PTPRZ1: variants seen among roughly 807,000 people sequenced by gnomAD.
PTPRZ1 encodes protein tyrosine phosphatase receptor type Z1.
A neutral mutation model predicts 214.1 loss-of-function variants in PTPRZ1; 82 were observed. The ratio of observed to expected loss-of-function variants is 0.38; its 90% CI spans 0.32 to 0.46. The LOEUF is 0.46. Among genes scored for constraint, PTPRZ1 ranks in the 20% least tolerant of loss-of-function variants. PTPRZ1 has a pLI of 1.00. For missense variants in PTPRZ1, 2,603 were observed against 2,748.7 expected (o/e 0.95, Z 1.19); for synonymous variants, 945 against 987.9 (o/e 0.96, Z 0.81).
intron 12 of PTPRZ1, 25 bp downstream of exon 12, chr7:122,013,914 A>T: frequency 6.5e-7 from 1 of 1,541,488 alleles, no homozygotes; most frequent in East Asian, 2.3e-5. Flanking sequence ...AGAAGGACAG[A>T]TTGAGGTGTG....
intron 1 of PTPRZ1, among the ~76,000 whole-genome samples, chr7:121,898,771 A>G (rs891876544): frequency 1.3e-5 from 2 of 152,188 alleles, no homozygotes; most frequent in Non-Finnish European, 2.9e-5. Flanking sequence ...GAAGTATTTC[A>G]TATACTTACT....
At position 121,873,505 on chromosome 7, in the gene PTPRZ1, A is replaced by T. The variant is rs2116116688; in HGVS notation, c.6A>T (p.Arg2=). The T allele has an allele frequency of 1.2e-6, 2 of 1,613,984 alleles. No homozygotes were observed. Among genetic ancestry groups the T allele is most frequent in the East Asian group, 4.5e-5 (2 of 44,866 alleles). M[R]ILKRFLACIQ... is the part of the protein sequence containing the mutation. ...GGGCCGCAGACCGTCTGGAAATGCG[A>T]ATCCTAAAGCGTTTCCTCGCTTGCA... The change falls in exon 1 of 30, where the codon CGA becomes CGT. Residue 2 remains arginine, a synonymous_variant. Coordinates refer to ENST00000393386, the MANE Select transcript of PTPRZ1 (RefSeq NM_002851.3).
intron 12 of PTPRZ1, among the ~76,000 whole-genome samples, chr7:122,017,440 C>T (rs1221136492): frequency 6.6e-6 from 1 of 152,018 alleles, no homozygotes; most frequent in Non-Finnish European, 1.5e-5. Context: ...TTTTTAATCA[C>T]ACCTTTGAAT....
chr7:121,880,683 T>A (rs1356895657), intron 1 of PTPRZ1, among the ~76,000 whole-genome samples: 1 of 152,180 alleles, frequency 6.6e-6, no homozygotes, highest in African/African-American at 2.4e-5. Flanking sequence ...GCTTAGAACA[T>A]GCTGGCCAGA....
At chr7:122,059,471 C>A (rs1584787373) in intron 28 of PTPRZ1, 2 of 206,166 alleles carry the variant, frequency 9.7e-6, no homozygotes, top group African/African-American at 7.8e-5. Flanking sequence ...ATGATACTCT[C>A]AGGTTTTTTT....
intron 12 of PTPRZ1, 21 bp downstream of exon 12, chr7:122,013,910 A>C (rs1228629637): frequency 4.5e-6 from 7 of 1,560,156 alleles, no homozygotes; most frequent in Non-Finnish European, 5.2e-6. Context: ...GATCAGAAGG[A>C]CAGATTGAGG....
intron 2 of PTPRZ1, among the ~76,000 whole-genome samples, chr7:121,955,283 A>T (rs1441399515): frequency 6.6e-6 from 1 of 152,234 alleles, no homozygotes; most frequent in Non-Finnish European, 1.5e-5. Flanking sequence ...TTTCTGTGCT[A>T]TGAGAACTTA....
At chr7:122,004,454 A>C (rs1798421951) in intron 10 of PTPRZ1, among the ~76,000 whole-genome samples, 160 bp from the exon 11 acceptor site, 1 of 152,138 alleles carries the variant, frequency 6.6e-6, no homozygotes, top group South Asian at 2.1e-4. Context: ...TAATGTTGAA[A>C]ACTAAAATTT....
intron 1 of PTPRZ1, among the ~76,000 whole-genome samples, chr7:121,898,598 A>G (rs1298526330): frequency 1.3e-5 from 2 of 152,140 alleles, no homozygotes; most frequent in Non-Finnish European, 2.9e-5. Context: ...TGTTGTCTAC[A>G]CTTCCTTCAC....
rs1798194996 is a variant in PTPRZ1 at position 121,997,901 on chromosome 7, C to G, written c.1135C>G (p.Leu379Val). The change falls in exon 10 of 30, where the codon CTA becomes GTA. Residue 379 changes from leucine to valine, a missense_variant. Leu to Val is a conservative substitution (Grantham distance 32). Transcript: ENST00000393386. ...QDLGAILNNL[L>V]PNMSYVLQIV... ...TTAGGGTGCTATTCTCAATAATTTG[C>G]TACCCAATATGAGTTATGTTCTTCA... The G allele has an allele frequency of 6.2e-7, 1 of 1,608,104 alleles. No homozygotes were observed. The highest frequency in any genetic ancestry group is 1.7e-5 in the Admixed American group (1 of 59,618).
At chr7:121,918,155 T>C (rs1195777346) in intron 1 of PTPRZ1, among the ~76,000 whole-genome samples, 6 of 152,100 alleles carry the variant, frequency 3.9e-5, no homozygotes. Flanking sequence ...AGTGAATCAG[T>C]CAGCATCCTG....
intron 1 of PTPRZ1, among the ~76,000 whole-genome samples, chr7:121,918,260 T>C (rs1042813107): frequency 6.6e-6 from 1 of 152,160 alleles, no homozygotes; most frequent in Non-Finnish European, 1.5e-5. Flanking sequence ...CAGTGACATT[T>C]GGGTTTAATT....
chr7:122,004,812 C>T (rs1798435077), intron 11 of PTPRZ1, 152 bp downstream of exon 11: 1 of 489,600 alleles, frequency 2.0e-6, no homozygotes, highest in Non-Finnish European at 3.7e-6. Flanking sequence ...TATAGATAGT[C>T]ACATAATTTA....
At chr7:121,970,649 G>GT (rs1347572176) in intron 3 of PTPRZ1, among the ~76,000 whole-genome samples, 3 of 152,066 alleles carry the variant, frequency 2.0e-5, no homozygotes, top group Non-Finnish European at 4.4e-5. Flanking sequence ...TGATGGGGTT[G>GT]TTTGTTTTTT....
chr7:122,040,859 A>G lies in PTPRZ1; in HGVS notation c.5681A>G (p.Tyr1894Cys), dbSNP rs529193887. The G allele has an allele frequency of 3.7e-6, 6 of 1,601,038 alleles. No homozygotes were observed. Among genetic ancestry groups the G allele is most frequent in the Non-Finnish European group, 5.1e-6 (6 of 1,171,356 alleles). Residue 1894 changes from tyrosine to cysteine, a missense_variant, in exon 21 of 30, where the codon TAT becomes TGT. Coordinates refer to ENST00000393386, the MANE Select transcript of PTPRZ1 (RefSeq NM_002851.3). Reference sequence around the variant, plus strand: ...CCCAGTGGACGTGTGGTCACACAGTATCACTACACGCAGTGGCCTGACATG... The same window carrying G: ...CCCAGTGGACGTGTGGTCACACAGTGTCACTACACGCAGTGGCCTGACATG... ...GRPSGRVVTQYHYTQWPDMGV... is the reference protein window; with the variant it reads ...GRPSGRVVTQCHYTQWPDMGV...
intron 9 of PTPRZ1, 135 bp from the exon 10 acceptor site, chr7:121,997,745 A>G (rs1798189353): frequency 1.6e-6 from 1 of 613,466 alleles, no homozygotes; most frequent in Non-Finnish European, 2.6e-6. Flanking sequence ...AACATTGCAT[A>G]AACTTTTCCT....
At position 122,023,395 on chromosome 7, in the gene PTPRZ1, C is replaced by A. The variant is rs188160794; in HGVS notation, c.4988+4127C>A. ...CTCCTGTTTACCATTTGGGTAGGTT[C>A]ACTAGATCATCTTTAAGATTGTAGC... On this transcript the variant is annotated intron_variant, in intron 13 of 29. Coordinates refer to ENST00000393386, the MANE Select transcript of PTPRZ1 (RefSeq NM_002851.3). 2.0e-5 allele frequency among the ~76,000 whole-genome samples: 3 copies of A among 149,480 alleles called. No individual in the cohort carries two copies. The East Asian group carries it at 5.8e-4, about 29-fold the overall frequency.
At chr7:122,039,651 A>G in intron 20 of PTPRZ1, 63 bp downstream of exon 20, 3 of 1,569,352 alleles carry the variant, frequency 1.9e-6, no homozygotes, top group South Asian at 1.1e-5. Context: ...TTTTAAGTGA[A>G]TAAGCGATAG....
chr7:121,997,211 G>A (rs2693657), intron 9 of PTPRZ1, among the ~76,000 whole-genome samples: 61,995 of 151,908 alleles, frequency 0.41, 12,945 homozygotes, highest in South Asian at 0.58. Flanking sequence ...CTGGATGTAG[G>A]TCCAGAAAGT....
Sources: allele counts gnomAD v4.1 joint callset (sites outside exome capture counted in the v4.1 genomes callset), GRCh38; gene constraint gnomAD v4.1.1; transcripts MANE v1.5; gene names NCBI Gene and HGNC (gene_info 2026-07-23, HGNC 2026-07-21).